The following CCDC186 variants were observed in gnomAD, a reference collection of about 807,000 sequenced individuals.
CCDC186 encodes the protein coiled-coil domain-containing protein 186.
In CCDC186, 49 loss-of-function variants were observed where a neutral mutation model predicts 113.7. The ratio of observed to expected loss-of-function variants is 0.43; its 90% CI spans 0.34 to 0.55. The LOEUF is 0.55. Among genes scored for constraint, CCDC186 ranks in the 20% least tolerant of loss-of-function variants. CCDC186 has a pLI of 0.02. For synonymous variants in CCDC186, 355 were observed against 345.8 expected, an observed-to-expected ratio of 1.03 and a Z score of -0.30; for missense variants, 890 against 1,011.1, an observed-to-expected ratio of 0.88 and a Z score of 1.62.
chr10:114,125,375 G>T, intron 15 of CCDC186, 149 bp from the exon 16 acceptor site: 1 of 571,752 alleles, frequency 1.7e-6, no homozygotes, highest in Non-Finnish European at 3.0e-6. Context: ...GTGACACACA[G>T]CTGTTTTCAG....
intron 1 of CCDC186, among the ~76,000 whole-genome samples, chr10:114,166,756 G>A (rs1444957038): frequency 6.6e-6 from 1 of 152,200 alleles, no homozygotes; most frequent in East Asian, 1.9e-4. Context: ...TGGAAAACAG[G>A]TTGTAAGATG....
intron 2 of CCDC186, among the ~76,000 whole-genome samples, chr10:114,159,064 G>A (rs1156930790): frequency 6.6e-6 from 1 of 152,208 alleles, no homozygotes; most frequent in Non-Finnish European, 1.5e-5. Context: ...TGCTATTTTA[G>A]ATAAGTAGTC....
chr10:114,165,968 A>T lies in CCDC186; in HGVS notation c.-61-2639T>A, dbSNP rs2032326121. 9 of 878,208 alleles carry T rather than the reference A, an allele frequency of 1.0e-5. No individual in the cohort carries two copies. The South Asian group carries it at 4.7e-4, about 46-fold the overall frequency. 54.4% of individuals were successfully genotyped at this position (878,208 alleles called of 1,614,324 possible). On this transcript the variant is annotated intron_variant, in intron 1 of 15. Coordinates refer to ENST00000369287, the MANE Select transcript of CCDC186 (RefSeq NM_018017.4). ...GAGAAAACAATGAGTTTGTGACTTC[A>T]TTTTTTTTTTAATGGCTAGAACCTG...
At chr10:114,131,048 A>AT (rs1172114092) in intron 12 of CCDC186, 99 bp downstream of exon 12, 1 of 1,046,880 alleles carries the variant, frequency 9.6e-7, no homozygotes, top group Non-Finnish European at 1.3e-6. Flanking sequence ...CAAAGAAAAC[A>AT]TACAGCTTCA....
In CCDC186 at chr10:114,134,943, G is replaced by A. The variant is rs146555801; in HGVS notation, c.1625C>T (p.Thr542Ile). The A allele has an allele frequency of 1.3e-3, 2,143 of 1,611,846 alleles. 1 individual carries two copies. Among genetic ancestry groups the A allele is most frequent in the Non-Finnish European group, 1.7e-3 (1,982 of 1,179,288 alleles). The part of the protein sequence containing the change: ...EIQNLLDKVK[T>I]ADQLQEQLQR... ...AAGCTGCTCCTGTAGCTGATCTGCA[G>A]TTTTCACCTTGTCCAATAAATTCTG... The change falls in exon 10 of 16, where the codon ACT (threonine) becomes ATT (isoleucine). Residue 542 changes from threonine to isoleucine, a missense_variant. Coordinates refer to ENST00000369287, the MANE Select transcript of CCDC186 (RefSeq NM_018017.4).
At chr10:114,153,664 T>C (rs527623152) in intron 3 of CCDC186, among the ~76,000 whole-genome samples, 41 of 151,510 alleles carry the variant, frequency 2.7e-4, no homozygotes, top group African/African-American at 9.9e-4. Flanking sequence ...CGGGTGCCTG[T>C]AATCCCAGCT....
chr10:114,145,947 A>G (rs1368523187), intron 4 of CCDC186, among the ~76,000 whole-genome samples, 186 bp from the exon 5 acceptor site: 1 of 152,226 alleles, frequency 6.6e-6, no homozygotes, highest in Admixed American at 6.5e-5. Context: ...AAATGGTACA[A>G]TATCCCTAGC....
intron 2 of CCDC186, 70 bp downstream of exon 2, chr10:114,162,567 T>C: frequency 8.5e-7 from 1 of 1,178,090 alleles, no homozygotes; most frequent in Non-Finnish European, 1.2e-6. Context: ...TATTTTCCTT[T>C]AAAGAATTTT....
At chr10:114,160,792 A>G (rs2032149601) in intron 2 of CCDC186, among the ~76,000 whole-genome samples, 1 of 152,252 alleles carries the variant, frequency 6.6e-6, no homozygotes, top group Non-Finnish European at 1.5e-5. Context: ...AAAAAAGTTA[A>G]GAAAAAAATT....
At chr10:114,137,088 G>A (rs536931898) in intron 7 of CCDC186, 98 bp downstream of exon 7, 1 of 852,072 alleles carries the variant, frequency 1.2e-6, no homozygotes. Context: ...TTGAACTCCA[G>A]CCCGGGCGAC....
intron 12 of CCDC186, 44 bp downstream of exon 12, chr10:114,131,103 A>G (rs1030918362): frequency 1.3e-5 from 18 of 1,347,602 alleles, no homozygotes; most frequent in East Asian, 8.2e-5. Context: ...AATGATTAAA[A>G]GAAACAAACA....
rs371736801 is a variant in CCDC186, at chr10:114,145,574, C to T, written c.1076G>A (p.Arg359Gln). ...CTTAGTTTCATACAGCTGGTGCAAC[C>T]GTCCTTTCTCCTGAGAAAGCTGCTT... Reference protein sequence around the residue: ...KIKQLSQEKGRLHQLYETKEG... With the variant: ...KIKQLSQEKGQLHQLYETKEG... The change falls in exon 5 of 16, where the codon CGG becomes CAG. Residue 359 changes from arginine to glutamine, a missense_variant. Transcript: ENST00000369287. 44 of 1,609,988 alleles carry T rather than the reference C, an allele frequency of 2.7e-5. No homozygotes were observed. The highest frequency in any genetic ancestry group is 3.5e-5 in the Non-Finnish European group (41 of 1,179,414).
rs1564908446 is a variant in CCDC186, at chr10:114,138,067, AAAAAAAT to A, written c.1222-784_1222-778del. Reference sequence around the variant, plus strand: ...AAAAAAAAAAAAAAAAAAAAAAAAAAAAAAAATAAAAAAAATACACAAATTAGCCAGG... The same window carrying A: ...AAAAAAAAAAAAAAAAAAAAAAAAAAAAAAAAAATACACAAATTAGCCAGG... On this transcript the variant is annotated intron_variant, in intron 6 of 15. Coordinates refer to ENST00000369287, the MANE Select transcript of CCDC186 (RefSeq NM_018017.4). Among the ~76,000 whole-genome samples, 31 of 59,186 alleles carry A rather than the reference AAAAAAAT, an allele frequency of 5.2e-4. 5 individuals are homozygous for A. Among genetic ancestry groups the A allele is most frequent in the Non-Finnish European group, 7.5e-4 (23 of 30,832 alleles). The allele number at this position is 59,186 out of a possible 152,430, so 38.8% of individuals were successfully genotyped here.
rs2030801986 is a variant in CCDC186 at position 114,123,771 on chromosome 10, T to C, written c.*1372A>G. The C allele has an allele frequency of 6.6e-6, 1 of 152,164 alleles. No homozygotes were observed. Among genetic ancestry groups the C allele is most frequent in the South Asian group, 2.1e-4 (1 of 4,828 alleles). The allele number at this position is 152,164 out of a possible 1,614,324, so 9.4% of individuals were successfully genotyped here. On this transcript the variant is annotated 3_prime_UTR_variant, in exon 16 of 16. Transcript: ENST00000369287. ...TGTCTATCTTAAACACTGTAAAAAA[T>C]CCAACAAGATAGAAAAATTTGGCTC...
chr10:114,140,403 T>A (rs545957959), intron 6 of CCDC186, among the ~76,000 whole-genome samples: 38 of 152,298 alleles, frequency 2.5e-4, no homozygotes, highest in African/African-American at 8.9e-4. Flanking sequence ...TGGAATGAGA[T>A]GGATGGATTG....
chr10:114,142,419 G>C (rs565988461), intron 6 of CCDC186, among the ~76,000 whole-genome samples: 6 of 152,322 alleles, frequency 3.9e-5, no homozygotes, highest in African/African-American at 1.4e-4. Flanking sequence ...TCTATTGCTA[G>C]CCGTATATAC....
At chr10:114,149,555 AAGGAAAGGAAAGGGAAGGGAAGGG>A (rs1564912635) in intron 4 of CCDC186, among the ~76,000 whole-genome samples, 10 of 93,438 alleles carry the variant, frequency 1.1e-4, no homozygotes, top group African/African-American at 4.4e-4. Context: ...AAGGGAAGGG[AAGGAAAGGAAAGGGAAGGGAAGGG>A]AAGGGAAGGG....
Position 114,137,305 on chromosome 10 carries a change from G to A in CCDC186, c.1222-15C>T, listed in dbSNP as rs190468427. 11 of 1,595,888 alleles carry A rather than the reference G, an allele frequency of 6.9e-6. No individual in the cohort carries two copies. Among genetic ancestry groups the A allele is most frequent in the Non-Finnish European group, 8.6e-6 (10 of 1,164,812 alleles). On this transcript the variant is annotated splice_polypyrimidine_tract_variant and intron_variant, in intron 6 of 15. Coordinates refer to ENST00000369287, the MANE Select transcript of CCDC186 (RefSeq NM_018017.4). Reference sequence around the variant, plus strand: ...TCTTTGGTTTCCTGCATTGACAAAAGACAGAGACACAGTTGGGTACAGCAA... The same window carrying A: ...TCTTTGGTTTCCTGCATTGACAAAAAACAGAGACACAGTTGGGTACAGCAA...
chr10:114,132,288 T>C, intron 10 of CCDC186, 104 bp from the exon 11 acceptor site: 2 of 810,518 alleles, frequency 2.5e-6, no homozygotes. Context: ...AAGGTACTTC[T>C]ATTCATTCAT....
Sources: gnomAD v4.1 joint callset for allele counts (sites outside exome capture counted in the v4.1 genomes callset) on GRCh38, gnomAD v4.1.1 for gene constraint, MANE v1.5 for transcripts, NCBI Gene and HGNC (gene_info 2026-07-23, HGNC 2026-07-21) for gene names.